Variants in COL4A2 observed in about 807,000 individuals in gnomAD.
The protein encoded by COL4A2 is collagen alpha-2(IV) chain.
In COL4A2, 99 loss-of-function variants were observed where a neutral mutation model predicts 200.2. That is an observed-to-expected ratio of 0.49 (90% CI 0.42 to 0.58). The LOEUF is 0.58. COL4A2 is among the 20% of genes least tolerant of loss of function. The pLI is 0.00. For synonymous variants in COL4A2, 897 were observed against 900.6 expected (o/e 1.00, Z 0.07); for missense variants, 1,950 against 2,314.1 (o/e 0.84, Z 3.23).
chr13:110,395,916 G>A (rs1189229649), intron 4 of COL4A2, among the ~76,000 whole-genome samples: 1 of 152,226 alleles, frequency 6.6e-6, no homozygotes. Context: ...CAGCACTTTA[G>A]TCTGGGCAAC....
At position 110,496,033 on chromosome 13, in the gene COL4A2, T is replaced by C. The variant is rs1201360364; in HGVS notation, c.3760+566T>C. 2.6e-5 allele frequency among the ~76,000 whole-genome samples: 4 copies of C among 152,212 alleles called. No individual in the cohort carries two copies. In the East Asian group the frequency reaches 7.7e-4, roughly 29 times the overall value. On this transcript the variant is annotated intron_variant, in intron 40 of 47. Transcript: ENST00000360467. Reference sequence around the variant, plus strand: ...ATGAGCCCACAGCCCCAGAGTCTGCTCCTGAGATCCATGGGCCCCTCCCCC... The same window carrying C: ...ATGAGCCCACAGCCCCAGAGTCTGCCCCTGAGATCCATGGGCCCCTCCCCC...
intron 6 of COL4A2, among the ~76,000 whole-genome samples, chr13:110,427,667 A>G (rs193068342): frequency 6.6e-6 from 1 of 152,232 alleles, no homozygotes; most frequent in Non-Finnish European, 1.5e-5. Flanking sequence ...TAAATTATAG[A>G]TTATTAACCC....
At chr13:110,324,739 T>C (rs1885362368) in intron 3 of COL4A2, among the ~76,000 whole-genome samples, 1 of 152,206 alleles carries the variant, frequency 6.6e-6, no homozygotes, top group Non-Finnish European at 1.5e-5. Context: ...CTCGGGATTG[T>C]TTCTGCCTTG....
intron 4 of COL4A2, among the ~76,000 whole-genome samples, chr13:110,377,139 G>T (rs977565542): frequency 1.3e-5 from 2 of 152,040 alleles, no homozygotes; most frequent in Admixed American, 1.3e-4. Flanking sequence ...AAGCTAGGGT[G>T]GGGGTGGGGA....
chr13:110,361,869 G>A (rs1306555567), intron 4 of COL4A2, among the ~76,000 whole-genome samples: 1 of 152,228 alleles, frequency 6.6e-6, no homozygotes, highest in East Asian at 1.9e-4. Context: ...GCTGGGAGGA[G>A]CTGAGCCAGG....
At chr13:110,377,103 GGGT>G (rs1254979834) in intron 4 of COL4A2, among the ~76,000 whole-genome samples, 1 of 152,020 alleles carries the variant, frequency 6.6e-6, no homozygotes, top group East Asian at 1.9e-4. Context: ...GCTTAGACTT[GGGT>G]GGTGAGTGTC....
At chr13:110,492,406 C>T (rs1883314953) in intron 38 of COL4A2, among the ~76,000 whole-genome samples, 1 of 152,198 alleles carries the variant, frequency 6.6e-6, no homozygotes, top group South Asian at 2.1e-4. Flanking sequence ...CAGGGCTTCA[C>T]CTCCCAGAAG....
intron 4 of COL4A2, among the ~76,000 whole-genome samples, chr13:110,371,980 G>C (rs538208910): frequency 6.6e-6 from 1 of 152,210 alleles, no homozygotes; most frequent in East Asian, 1.9e-4. Flanking sequence ...GGACAAGGCC[G>C]GAACCACATT....
In COL4A2 at chr13:110,482,536, A is replaced by G. The variant is rs145040676; in HGVS notation, c.2779A>G (p.Met927Val). 2 of 1,614,142 alleles carry G rather than the reference A, an allele frequency of 1.2e-6. No individual in the cohort carries two copies. Among genetic ancestry groups the G allele is most frequent in the African/African-American group, 1.3e-5 (1 of 75,032 alleles). The change falls in exon 32 of 48, where the codon ATG (methionine) becomes GTG (valine). Residue 927 changes from methionine (M) to valine (V), a missense_variant. Transcript: ENST00000360467. Reference protein sequence around the residue: ...GLKGDRGSPGMDGFQGMPGLK... With the variant: ...GLKGDRGSPGVDGFQGMPGLK... ...TGAAGGAGATAGAGGCTCACCTGGG[A>G]TGGATGGTTTCCAAGGCATGCCTGG...
chr13:110,438,808 C>G (rs968490017), intron 15 of COL4A2, 140 bp downstream of exon 15: 7 of 603,684 alleles, frequency 1.2e-5, no homozygotes, highest in South Asian at 3.7e-5. Flanking sequence ...CCCCACCCCC[C>G]CCCACACACA....
intron 4 of COL4A2, among the ~76,000 whole-genome samples, chr13:110,364,357 T>C (rs917947430): frequency 2.6e-5 from 4 of 152,232 alleles, no homozygotes; most frequent in Non-Finnish European, 5.9e-5. Flanking sequence ...GATTATTTTC[T>C]GTGGGTGAGC....
rs1280717971 is a variant in COL4A2, at chr13:110,485,794, C to T, written c.3165C>T (p.Gly1055=). The T allele has an allele frequency of 3.7e-6, 6 of 1,613,648 alleles. No individual in the cohort carries two copies. The African/African-American group carries it at 5.3e-5, about 14-fold the overall frequency. The change falls in exon 34 of 48, where the codon GGC becomes GGT. Residue 1055 remains glycine, a synonymous_variant. Coordinates refer to ENST00000360467, the MANE Select transcript of COL4A2 (RefSeq NM_001846.4). ...TGCCAGGATTCCCTGGGGTGGCTGG[C>T]CCCCCTGGAATTACGGGATTCCCAG... ...PGLPGFPGVA[G]PPGITGFPGF...
intron 4 of COL4A2, among the ~76,000 whole-genome samples, chr13:110,393,226 C>CT (rs1341269698): frequency 2.6e-5 from 4 of 152,304 alleles, no homozygotes; most frequent in Non-Finnish European, 5.9e-5. Flanking sequence ...TTTCTTTTCT[C>CT]TAACAAGCTC....
chr13:110,494,846 C>T (rs1347146545), intron 39 of COL4A2, among the ~76,000 whole-genome samples: 4 of 152,240 alleles, frequency 2.6e-5, no homozygotes, highest in Non-Finnish European at 4.4e-5. Context: ...GTATATTACA[C>T]GTAAATTCAC....
intron 3 of COL4A2, among the ~76,000 whole-genome samples, chr13:110,354,667 T>A (rs763487461): frequency 6.6e-6 from 1 of 151,160 alleles, no homozygotes; most frequent in East Asian, 1.9e-4. Flanking sequence ...TCAGATACTA[T>A]ATTAGGTAAA....
chr13:110,382,883 T>G (rs1878545244), intron 4 of COL4A2, among the ~76,000 whole-genome samples: 1 of 152,234 alleles, frequency 6.6e-6, no homozygotes, highest in Non-Finnish European at 1.5e-5. Context: ...TTTTTAAAGA[T>G]TTTTACTCAG....
chr13:110,426,474 A>G (rs1240787213), intron 6 of COL4A2, among the ~76,000 whole-genome samples: 1 of 152,242 alleles, frequency 6.6e-6, no homozygotes, highest in East Asian at 1.9e-4. Context: ...AAATTAAGTT[A>G]ACATAAATAT....
chr13:110,472,972 T>C lies in COL4A2; in HGVS notation c.2247T>C (p.Pro749=). The C allele has an allele frequency of 1.3e-6, 2 of 1,548,442 alleles. No individual in the cohort carries two copies. The highest frequency in any genetic ancestry group is 1.7e-6 in the Non-Finnish European group (2 of 1,148,042). Residue 749 remains proline, a synonymous_variant, in exon 29 of 48, where the codon CCT becomes CCC. Coordinates refer to ENST00000360467, the MANE Select transcript of COL4A2 (RefSeq NM_001846.4). ...PRGSKGAVGL[P]GPDGSPGPIG... The stretch of plus-strand genomic sequence containing the variant: ...GATCCAAAGGTGCAGTGGGCCTCCC[T>C]GGCCCAGATGGATCCCCAGGTCCCA...
At position 110,508,396 on chromosome 13, in the gene COL4A2, G is replaced by A; in HGVS notation, c.4881+175G>A. Reference sequence around the variant, plus strand: ...ACACAGCTTACACTTGGCTAACTGAGCCACATGCTGGGCACAGGGCTTCCT... The same window carrying A: ...ACACAGCTTACACTTGGCTAACTGAACCACATGCTGGGCACAGGGCTTCCT... On this transcript the variant is annotated intron_variant, in intron 47 of 47. Transcript: ENST00000360467. This position sits in a 1 kb window ranked among gnomAD's most constrained non-coding sequence, Gnocchi z 6.1. The A allele has an allele frequency of 9.7e-7, 1 of 1,027,758 alleles. No homozygotes were observed. Among genetic ancestry groups the A allele is most frequent in the Non-Finnish European group, 1.4e-6 (1 of 719,738 alleles). The allele number at this position is 1,027,758 out of a possible 1,614,324, so 63.7% of individuals were successfully genotyped here.
Sources: gnomAD v4.1 joint callset for allele counts (sites outside exome capture counted in the v4.1 genomes callset) on GRCh38, gnomAD v4.1.1 for gene constraint, Gnocchi (gnomAD v3.1) non-coding constraint, MANE v1.5 for transcripts, NCBI Gene and HGNC (gene_info 2026-07-23, HGNC 2026-07-21) for gene names.